The following MYOM2 variants were observed in gnomAD, a reference collection of about 807,000 sequenced individuals.
The protein encoded by MYOM2 is myomesin 2, also known as myomesin-2.
In MYOM2, 254 loss-of-function variants were observed where a neutral mutation model predicts 187.6. The ratio of observed to expected loss-of-function variants is 1.35; its 90% CI spans 1.22 to 1.50. The LOEUF (loss-of-function observed/expected upper bound fraction) is 1.50, where lower values mean the gene tolerates loss of function less well. Ranked by LOEUF, MYOM2 falls within the 40% of genes most tolerant of loss-of-function variation. The pLI, the probability that MYOM2 is intolerant of heterozygous loss-of-function variation, is 0.00. For synonymous variants in MYOM2, 981 were observed against 753.8 expected, an observed-to-expected ratio of 1.30 and a Z score of -4.94; for missense variants, 2,796 against 1,924.0, an observed-to-expected ratio of 1.45 and a Z score of -8.48.
intron 1 of MYOM2, among the ~76,000 whole-genome samples, chr8:2,047,868 C>T (rs1035540787): frequency 3.3e-5 from 5 of 152,134 alleles, no homozygotes; most frequent in African/African-American, 9.7e-5. Flanking sequence ...ACTTCCAGGC[C>T]CACAGGACCG....
At chr8:2,085,429 G>C (rs752840535) in intron 14 of MYOM2, 39 bp downstream of exon 14, 2 of 1,604,690 alleles carry the variant, frequency 1.2e-6, no homozygotes, top group East Asian at 2.2e-5. Context: ...GTAGATCTCT[G>C]CATGGCCCCC....
In MYOM2 at chr8:2,144,747, C is replaced by T. The variant is rs201809676; in HGVS notation, c.4164C>T (p.Ser1388=). ...AGAACGACCAGGACATCCAGCTCAG[C>T]GAGCACTTCTCGGTGAAGGTGGAGC... The part of the protein sequence containing the change: ...WFKNDQDIQL[S]EHFSVKVEQA... Residue 1388 remains serine, a synonymous_variant, in exon 37 of 37, where the codon AGC becomes AGT. Transcript: ENST00000262113. 2.0e-5 allele frequency: 32 copies of T among 1,614,108 alleles called. No individual in the cohort carries two copies. Among genetic ancestry groups the T allele is most frequent in the East Asian group, 8.9e-5 (4 of 44,852 alleles).
At chr8:2,080,953 ATG>A (rs1819602261) in intron 13 of MYOM2, among the ~76,000 whole-genome samples, 1 of 144,982 alleles carries the variant, frequency 6.9e-6, no homozygotes, top group East Asian at 2.1e-4. Context: ...CCCTTGCAGA[ATG>A]AGGTTTGGTT....
intron 19 of MYOM2, among the ~76,000 whole-genome samples, chr8:2,100,038 T>C (rs1796631760): frequency 8.1e-6 from 1 of 123,486 alleles, no homozygotes; most frequent in African/African-American, 2.7e-5. Context: ...CCTTCTTTCC[T>C]TCCTTCCTTC....
intron 31 of MYOM2, chr8:2,127,605 C>T (rs1308556278): frequency 1.3e-5 from 2 of 153,274 alleles, no homozygotes; most frequent in Non-Finnish European, 2.8e-5. Flanking sequence ...GACGCAGCCG[C>T]AGGCAGGCAG....
intron 36 of MYOM2, among the ~76,000 whole-genome samples, chr8:2,144,374 C>A (rs778785897): frequency 6.6e-6 from 1 of 152,160 alleles, no homozygotes; most frequent in Non-Finnish European, 1.5e-5. Context: ...AATTAAATTA[C>A]TTTCAAATTC....
At chr8:2,082,822 C>T (rs1209600563) in intron 13 of MYOM2, among the ~76,000 whole-genome samples, 1 of 152,226 alleles carries the variant, frequency 6.6e-6, no homozygotes, top group East Asian at 1.9e-4. Context: ...CTGTGCTCTG[C>T]AGGACCCTTC....
chr8:2,079,864 G>A (rs1354150727), intron 13 of MYOM2, among the ~76,000 whole-genome samples: 1 of 152,180 alleles, frequency 6.6e-6, no homozygotes, highest in African/African-American at 2.4e-5. Context: ...TTTCATTTGG[G>A]GTTTACAAAG....
intron 5 of MYOM2, among the ~76,000 whole-genome samples, chr8:2,058,297 G>A (rs560127433): frequency 9.2e-5 from 14 of 152,242 alleles, no homozygotes; most frequent in Middle Eastern, 3.4e-3. Context: ...GGGGTGACAG[G>A]CATGAGCCAC....
At chr8:2,141,777 A>C (rs1396663397) in intron 34 of MYOM2, among the ~76,000 whole-genome samples, 1 of 152,104 alleles carries the variant, frequency 6.6e-6, no homozygotes, top group African/African-American at 2.4e-5. Context: ...TTTGGGCTGG[A>C]CTTAGGCGGT....
intron 2 of MYOM2, among the ~76,000 whole-genome samples, chr8:2,051,657 A>G (rs1429003513): frequency 6.6e-6 from 1 of 152,176 alleles, no homozygotes; most frequent in Non-Finnish European, 1.5e-5. Flanking sequence ...CTCAAGATAT[A>G]TATAATCCTG....
chr8:2,078,771 G>C lies in MYOM2; in HGVS notation c.1300G>C (p.Asp434His). The C allele has an allele frequency of 6.2e-7, 1 of 1,614,168 alleles. No homozygotes were observed. Among genetic ancestry groups the C allele is most frequent in the Non-Finnish European group, 8.5e-7 (1 of 1,180,036 alleles). ...AACGAATAATTGGGTGCAGTGCAAT[G>C]ATGCACCGGTGAAAATCTGCAAATA... ...VGTNNWVQCN[D>H]APVKICKYPV... The change falls in exon 12 of 37, where the codon GAT (aspartate) becomes CAT (histidine). Residue 434 changes from aspartate (D) to histidine (H), a missense_variant. By Grantham distance (81) the Asp-to-His change is moderately conservative. Transcript: ENST00000262113.
chr8:2,090,166 C>A lies in MYOM2; in HGVS notation c.1803C>A (p.Ser601=). The A allele has an allele frequency of 6.2e-7, 1 of 1,613,850 alleles. No homozygotes were observed. Among genetic ancestry groups the A allele is most frequent in the Admixed American group, 1.7e-5 (1 of 59,992 alleles). ...HGLSEPSEIT[S]PIQAQDVTVV... ...TGAGCGAACCTTCGGAGATAACGTCCCCCATTCAGGCCCAGGATGTGACCG... is the reference window on the plus strand; with the variant it reads ...TGAGCGAACCTTCGGAGATAACGTCACCCATTCAGGCCCAGGATGTGACCG... Residue 601 remains serine, a synonymous_variant, in exon 15 of 37, where the codon TCC becomes TCA. Coordinates refer to ENST00000262113, the MANE Select transcript of MYOM2 (RefSeq NM_003970.4).
chr8:2,096,113 G>A, intron 17 of MYOM2, 134 bp from the exon 18 acceptor site: 2 of 767,340 alleles, frequency 2.6e-6, no homozygotes, highest in East Asian at 2.5e-5. Context: ...GGGTTGAGAG[G>A]GATCAGAGGG....
chr8:2,117,940 A>T lies in MYOM2; in HGVS notation c.3441A>T (p.Arg1147=). Residue 1147 remains arginine (R), a synonymous_variant, in exon 28 of 37, where the codon CGA becomes CGT. Transcript: ENST00000262113. ...ATGTCACGGAAGAATGTGAAGTTCGACTTGTTTGCAAGGTGAGAAACCCGG... is the reference window on the plus strand; with the variant it reads ...ATGTCACGGAAGAATGTGAAGTTCGTCTTGTTTGCAAGGTGAGAAACCCGG... ...HWDVTEECEV[R]LVCKVANTKK... The T allele has an allele frequency of 3.7e-6, 6 of 1,612,942 alleles. No homozygotes were observed. Among genetic ancestry groups the T allele is most frequent in the Non-Finnish European group, 5.1e-6 (6 of 1,179,442 alleles).
At chr8:2,116,370 C>T in intron 27 of MYOM2, 95 bp downstream of exon 27, 2 of 1,231,790 alleles carry the variant, frequency 1.6e-6, no homozygotes, top group Non-Finnish European at 2.3e-6. Context: ...TGATCCCAAG[C>T]AACCCTAAAG....
intron 32 of MYOM2, among the ~76,000 whole-genome samples, chr8:2,137,759 C>T (rs1348351530): frequency 6.6e-6 from 1 of 152,140 alleles, no homozygotes; most frequent in Non-Finnish European, 1.5e-5. Context: ...TTACAGTGGG[C>T]CCAGTTCCCC....
intron 25 of MYOM2, among the ~76,000 whole-genome samples, chr8:2,113,883 T>TGATGCTGGGCACAGCGTGAG (rs1391703345): frequency 6.6e-6 from 1 of 152,184 alleles, no homozygotes; most frequent in African/African-American, 2.4e-5. Context: ...CTGCCAGGCA[T>TGATGCTGGGCACAGCGTGAG]GATGCTGGGC....
At chr8:2,062,297 C>T (rs1818877579) in intron 6 of MYOM2, among the ~76,000 whole-genome samples, 1 of 152,218 alleles carries the variant, frequency 6.6e-6, no homozygotes, top group Non-Finnish European at 1.5e-5. Context: ...ACATTGACCT[C>T]TAGAGGATCA....
Sources: gnomAD v4.1 joint callset for allele counts (sites outside exome capture counted in the v4.1 genomes callset) on GRCh38, gnomAD v4.1.1 for gene constraint, MANE v1.5 for transcripts, NCBI Gene and HGNC (gene_info 2026-07-23, HGNC 2026-07-21) for gene names.